LRIF1: variants seen among roughly 807,000 people sequenced by gnomAD.
LRIF1 encodes the protein ligand-dependent nuclear receptor-interacting factor 1.
Under a neutral mutation model 52.7 loss-of-function variants are expected in LRIF1, and 32 were observed. That is an observed-to-expected ratio of 0.61 (90% CI 0.46 to 0.82). The LOEUF (loss-of-function observed/expected upper bound fraction) is 0.82, where lower values mean the gene tolerates loss of function less well. LRIF1 is among the 40% of genes least tolerant of loss of function. LRIF1 has a pLI of 0.00. For synonymous variants in LRIF1, 323 were observed against 317.4 expected (o/e 1.02, Z -0.19); for missense variants, 887 against 892.0 (o/e 0.99, Z 0.07).
chr1:110,955,028 T>C (rs570428050), intron 1 of LRIF1, among the ~76,000 whole-genome samples: 2 of 152,360 alleles, frequency 1.3e-5, no homozygotes, highest in African/African-American at 4.8e-5. Context: ...TATCTGTGGC[T>C]TCTTTGAAAT....
At chr1:110,883,520 A>G in the LRIF1 span, among the ~76,000 whole-genome samples, 1 of 151,824 alleles carries the variant, frequency 6.6e-6, no homozygotes, top group East Asian at 1.9e-4. Context: ...ATTTCTTGTA[A>G]TATCTTTCTG....
At position 110,952,853 on chromosome 1, in the gene LRIF1, C is replaced by T; in HGVS notation, c.69-38G>A. ...TTGAGTAAATAAATACAACATACTA[C>T]ATGGTATATACATTTTATTTAAAAA... On this transcript the variant is annotated intron_variant, in intron 1 of 3. Coordinates refer to ENST00000369763, the MANE Select transcript of LRIF1 (RefSeq NM_018372.4). 3 of 1,157,336 alleles carry T rather than the reference C, an allele frequency of 2.6e-6. No homozygotes were observed. The South Asian group carries it at 5.7e-5, about 22-fold the overall frequency. The allele number at this position is 1,157,336 out of a possible 1,614,324, so 71.7% of individuals were successfully genotyped here.
the LRIF1 span, among the ~76,000 whole-genome samples, chr1:110,915,296 T>G: frequency 2.0e-5 from 3 of 150,138 alleles, no homozygotes; most frequent in African/African-American, 7.4e-5. Flanking sequence ...CCATCCTGGC[T>G]AACACGGTGA....
the LRIF1 span, among the ~76,000 whole-genome samples, chr1:110,935,954 GA>G: frequency 1.1e-3 from 158 of 146,660 alleles, no homozygotes; most frequent in Middle Eastern, 7.3e-3. Context: ...AGCAGCAAGA[GA>G]AAAAAAAAAT....
chr1:110,916,449 T>C, the LRIF1 span, among the ~76,000 whole-genome samples: 8 of 151,992 alleles, frequency 5.3e-5, no homozygotes, highest in East Asian at 1.4e-3. Context: ...AGAAACAACA[T>C]ATAAAACTCA....
chr1:110,960,013 CAT>C (rs1389785122), intron 1 of LRIF1, among the ~76,000 whole-genome samples: 5 of 152,036 alleles, frequency 3.3e-5, no homozygotes, highest in African/African-American at 9.6e-5. Flanking sequence ...AAGTACATAA[CAT>C]AGTTATCTAT....
chr1:110,919,060 G>A, the LRIF1 span, among the ~76,000 whole-genome samples: 8 of 152,328 alleles, frequency 5.3e-5, no homozygotes, highest in African/African-American at 1.4e-4. Flanking sequence ...GGTTTCTTAT[G>A]AGTGGTACCT....
the LRIF1 span, among the ~76,000 whole-genome samples, chr1:110,906,939 T>C: frequency 6.6e-6 from 1 of 152,210 alleles, no homozygotes; most frequent in East Asian, 1.9e-4. Context: ...TTAAGGTTAT[T>C]ACAATAGTAT....
chr1:110,887,220 C>G, the LRIF1 span, among the ~76,000 whole-genome samples: 1 of 152,000 alleles, frequency 6.6e-6, no homozygotes, highest in Non-Finnish European at 1.5e-5. Flanking sequence ...CCCACCACCA[C>G]GCCTGGCTAA....
chr1:110,924,377 C>T, the LRIF1 span, among the ~76,000 whole-genome samples: 1 of 152,156 alleles, frequency 6.6e-6, no homozygotes, highest in African/African-American at 2.4e-5. Context: ...CGTTTTCATA[C>T]TGCTATAAAG....
At chr1:110,949,394 A>G (rs1658361598) in intron 3 of LRIF1, among the ~76,000 whole-genome samples, 1 of 144,466 alleles carries the variant, frequency 6.9e-6, no homozygotes, top group Non-Finnish European at 1.5e-5. Flanking sequence ...CTGGGATTAC[A>G]GGCGTGAGCC....
At chr1:110,897,877 T>C in the LRIF1 span, 1 of 1,605,946 alleles carries the variant, frequency 6.2e-7, no homozygotes, top group Non-Finnish European at 8.5e-7. Context: ...TCACCATCTG[T>C]GTATGTGTGA....
chr1:110,958,230 T>G (rs1375345692), intron 1 of LRIF1, among the ~76,000 whole-genome samples: 1 of 152,210 alleles, frequency 6.6e-6, no homozygotes, highest in Non-Finnish European at 1.5e-5. Context: ...TCTTTGCTAT[T>G]CTGGAATATG....
chr1:110,886,128 G>C, the LRIF1 span, among the ~76,000 whole-genome samples: 1 of 151,984 alleles, frequency 6.6e-6, no homozygotes, highest in African/African-American at 2.4e-5. Flanking sequence ...ATTGGGTATA[G>C]ATTTTTAGTA....
the LRIF1 span, among the ~76,000 whole-genome samples, chr1:110,901,999 C>T: frequency 5.0e-3 from 764 of 152,296 alleles, 5 homozygotes; most frequent in Middle Eastern, 0.017. Context: ...TCATGAAGCT[C>T]TGAGGATTCA....
In LRIF1 at chr1:110,951,390, A is replaced by G; in HGVS notation, c.1494T>C (p.Ala498=). 1.2e-6 allele frequency: 2 copies of G among 1,614,164 alleles called. No homozygotes were observed. The highest frequency in any genetic ancestry group is 8.5e-7 in the Non-Finnish European group (1 of 1,179,998). The change falls in exon 2 of 4, where the codon GCT becomes GCC. Residue 498 remains alanine (A), a synonymous_variant. Coordinates refer to ENST00000369763, the MANE Select transcript of LRIF1 (RefSeq NM_018372.4). ...TGCTCTGGAGGACACTTCCTTTTCTAGCATAAATGACGGCTGTTACTTTTC... is the reference window on the plus strand; with the variant it reads ...TGCTCTGGAGGACACTTCCTTTTCTGGCATAAATGACGGCTGTTACTTTTC... The part of the protein sequence containing the change: ...APRKVTAVIY[A]RKGSVLQSIE...
chr1:110,952,828 T>C lies in LRIF1; in HGVS notation c.69-13A>G, dbSNP rs752123707. The C allele has an allele frequency of 2.8e-5, 43 of 1,531,984 alleles. No homozygotes were observed. The highest frequency in any genetic ancestry group is 4.2e-5 in the African/African-American group (3 of 72,262). 94.9% of individuals were successfully genotyped at this position (1,531,984 alleles called of 1,614,324 possible). Reference sequence around the variant, plus strand: ...GCAGCCTGAAACACTTAAAAGAACATTGAGTAAATAAATACAACATACTAC... The same window carrying C: ...GCAGCCTGAAACACTTAAAAGAACACTGAGTAAATAAATACAACATACTAC... On this transcript the variant is annotated splice_polypyrimidine_tract_variant and intron_variant, in intron 1 of 3. Transcript: ENST00000369763.
At chr1:110,957,939 T>C (rs754479385) in intron 1 of LRIF1, among the ~76,000 whole-genome samples, 3 of 152,258 alleles carry the variant, frequency 2.0e-5, no homozygotes, top group Non-Finnish European at 4.4e-5. Context: ...ACTTCCACCA[T>C]CTACATGAGA....
chr1:110,884,492 T>C, the LRIF1 span, among the ~76,000 whole-genome samples: 1 of 152,150 alleles, frequency 6.6e-6, no homozygotes, highest in Non-Finnish European at 1.5e-5. Context: ...AGTTGACTGA[T>C]GCTGTTGTTC....
Sources: allele counts gnomAD v4.1 joint callset (sites outside exome capture counted in the v4.1 genomes callset), GRCh38; gene constraint gnomAD v4.1.1; transcripts MANE v1.5; gene names NCBI Gene and HGNC (gene_info 2026-07-23, HGNC 2026-07-21).